Variants in HCN4 observed in about 807,000 individuals in gnomAD.
HCN4 encodes hyperpolarization activated cyclic nucleotide gated potassium channel 4.
Under a neutral mutation model 76.9 loss-of-function variants are expected in HCN4, and 29 were observed. The ratio of observed to expected loss-of-function variants is 0.38; its 90% confidence interval spans 0.28 to 0.51. The LOEUF (loss-of-function observed/expected upper bound fraction) is 0.51, where lower values mean the gene tolerates loss of function less well. Among genes scored for constraint, HCN4 ranks in the 20% least tolerant of loss-of-function variants. The pLI, the probability that HCN4 is intolerant of heterozygous loss-of-function variation, is 0.90. For synonymous variants in HCN4, 772 were observed against 762.5 expected, an observed-to-expected ratio of 1.01 and a Z score of -0.21; for missense variants, 1,416 against 1,715.2, an observed-to-expected ratio of 0.83 and a Z score of 3.08.
intron 1 of HCN4, among the ~76,000 whole-genome samples, chr15:73,354,658 T>C (rs894208960): frequency 2.0e-5 from 3 of 152,164 alleles, no homozygotes; most frequent in African/African-American, 7.2e-5. Flanking sequence ...ATGTGCAGGA[T>C]GAGAACATTA....
At position 73,343,936 on chromosome 15, in the gene HCN4, GCA is replaced by G; in HGVS notation, c.786-130_786-129del. ...GGGAGGTTCTGAGACAGGAAGACAG[GCA>G]CATGGGTACCAGGGCAAGATGTGGA... On this transcript the variant is annotated intron_variant, in intron 1 of 7. Coordinates refer to ENST00000261917, the MANE Select transcript of HCN4 (RefSeq NM_005477.3). This position sits in a 1 kb window ranked among gnomAD's most constrained non-coding sequence, Gnocchi z 5.7. The G allele has an allele frequency of 1.1e-6, 1 of 903,716 alleles. No individual in the cohort carries two copies. Among genetic ancestry groups the G allele is most frequent in the Non-Finnish European group, 1.8e-6 (1 of 559,924 alleles). 56.0% of individuals were successfully genotyped at this position (903,716 alleles called of 1,614,324 possible).
In HCN4 at chr15:73,322,017, G is replaced by A. The variant is rs1013426085; in HGVS notation, c.*464C>T. On this transcript the variant is annotated 3_prime_UTR_variant, in exon 8 of 8. Transcript: ENST00000261917. The stretch of plus-strand genomic sequence containing the variant: ...GCCCTGGCCCTTTTCTCCCAAGGTC[G>A]CAGGCTTCTGAGGCTCCCCAGGGCA... 11 of 189,696 alleles carry A rather than the reference G, an allele frequency of 5.8e-5. No homozygotes were observed. Among genetic ancestry groups the A allele is most frequent in the Admixed American group, 4.3e-4 (8 of 18,654 alleles). 11.8% of individuals were successfully genotyped at this position (189,696 alleles called of 1,614,324 possible). A position where few individuals can be genotyped will look rare whatever the true frequency, so the allele number is the denominator to read the frequency against.
chr15:73,333,457 A>C (rs986137292), intron 2 of HCN4, among the ~76,000 whole-genome samples: 1 of 152,208 alleles, frequency 6.6e-6, no homozygotes, highest in Admixed American at 6.5e-5. Flanking sequence ...AGGCCCAAAC[A>C]GACAGAGCCT....
chr15:73,355,488 C>T (rs537527953), intron 1 of HCN4, among the ~76,000 whole-genome samples: 1 of 152,236 alleles, frequency 6.6e-6, no homozygotes, highest in Admixed American at 6.5e-5. Context: ...ACCTCAGCTC[C>T]CAGCTCTGAA....
At position 73,368,363 on chromosome 15, in the gene HCN4, G is replaced by T; in HGVS notation, c.-93C>A. 1.1e-6 allele frequency: 1 copy of T among 913,532 alleles called. No homozygotes were observed. The highest frequency in any genetic ancestry group is 1.5e-6 in the Non-Finnish European group (1 of 681,792). The allele number at this position is 913,532 out of a possible 1,614,324, so 56.6% of individuals were successfully genotyped here. On this transcript the variant is annotated 5_prime_UTR_variant, in exon 1 of 8. Transcript: ENST00000261917. This position sits in a 1 kb window ranked among gnomAD's most constrained non-coding sequence, Gnocchi z 6.9. ...CGCCCGCCGGTCAGTCCGCCCGTGGGGACGCGTCCTTTGCCGCCGGCGTGG... is the reference window on the plus strand; with the variant it reads ...CGCCCGCCGGTCAGTCCGCCCGTGGTGACGCGTCCTTTGCCGCCGGCGTGG...
intron 1 of HCN4, among the ~76,000 whole-genome samples, chr15:73,363,417 G>C: frequency 6.6e-6 from 1 of 152,190 alleles, no homozygotes; most frequent in Non-Finnish European, 1.5e-5. Flanking sequence ...GCTGGCAATG[G>C]GAGGCCCAAG....
chr15:73,323,981 G>A lies in HCN4; in HGVS notation c.2144-32C>T, dbSNP rs765614147. ...CACAGAACAAGAACAGGCACTCAGG[G>A]CAGAGCGGGGAAGGAGATCAGGTGC... On this transcript the variant is annotated intron_variant, in intron 7 of 7. Transcript: ENST00000261917. The A allele has an allele frequency of 4.5e-5, 72 of 1,609,150 alleles. No homozygotes were observed. The Middle Eastern group carries it at 1.2e-3, about 26-fold the overall frequency.
intron 1 of HCN4, among the ~76,000 whole-genome samples, chr15:73,345,165 A>G (rs1258123830): frequency 1.3e-5 from 2 of 152,186 alleles, no homozygotes; most frequent in Admixed American, 6.5e-5. Flanking sequence ...CAGGTTGCAA[A>G]GAAATTACTT....
chr15:73,323,491 G>A lies in HCN4; in HGVS notation c.2602C>T (p.Pro868Ser), dbSNP rs1567768679. Reference protein sequence around the residue: ...HIQQLAGFSAPAGLSPLLPSS... With the variant: ...HIQQLAGFSASAGLSPLLPSS... ...GGCAGGAGTGGGCTCAGTCCAGCGG[G>A]GGCAGAGAATCCAGCCAGCTGTTGG... Residue 868 changes from proline to serine, a missense_variant, in exon 8 of 8, where the codon CCC becomes TCC. Coordinates refer to ENST00000261917, the MANE Select transcript of HCN4 (RefSeq NM_005477.3). 1 of 1,603,846 alleles carries A rather than the reference G, an allele frequency of 6.2e-7. No individual in the cohort carries two copies. Among genetic ancestry groups the A allele is most frequent in the Non-Finnish European group, 8.5e-7 (1 of 1,179,784 alleles).
chr15:73,332,471 G>C (rs892983088), intron 2 of HCN4, among the ~76,000 whole-genome samples, 179 bp from the exon 3 acceptor site: 1 of 152,220 alleles, frequency 6.6e-6, no homozygotes, highest in Non-Finnish European at 1.5e-5. Flanking sequence ...GGTCTTGGAA[G>C]AGGAAGACTG....
chr15:73,329,610 T>C lies in HCN4; in HGVS notation c.1553A>G (p.Gln518Arg). Residue 518 changes from glutamine to arginine, a missense_variant, in exon 4 of 8, where the codon CAG (glutamine) becomes CGG (arginine). This residue lies in a region of HCN4 where 112 missense variants were observed against 259.9 expected (regional missense o/e 0.43). Coordinates refer to ENST00000261917, the MANE Select transcript of HCN4 (RefSeq NM_005477.3). ...CTGGCGCCGGGAGGAGTCCAGGGAC[T>C]GGATGAGGGCAGTGGCGTGGCCAAT... ...MFIGHATALI[Q>R]SLDSSRRQYQ... The C allele has an allele frequency of 6.2e-7, 1 of 1,614,090 alleles. No homozygotes were observed. The highest frequency in any genetic ancestry group is 8.5e-7 in the Non-Finnish European group (1 of 1,179,990).
At chr15:73,358,483 G>A (rs3826046) in intron 1 of HCN4, among the ~76,000 whole-genome samples, 16,011 of 152,196 alleles carry the variant, frequency 0.11, 1,318 homozygotes, top group East Asian at 0.39. Context: ...CAGGCCACAC[G>A]CTCAGTGACA....
chr15:73,356,895 A>G (rs1279577589), intron 1 of HCN4, among the ~76,000 whole-genome samples: 1 of 152,166 alleles, frequency 6.6e-6, no homozygotes, highest in Non-Finnish European at 1.5e-5. Flanking sequence ...TTGTGCTAAG[A>G]AGGCAGGATT....
At chr15:73,339,633 G>A (rs1051072487) in intron 2 of HCN4, among the ~76,000 whole-genome samples, 1 of 152,222 alleles carries the variant, frequency 6.6e-6, no homozygotes, top group African/African-American at 2.4e-5. Context: ...CTCACAAGTG[G>A]GGAAACTGAG....
chr15:73,352,055 C>T (rs568760), intron 1 of HCN4, among the ~76,000 whole-genome samples: 10,646 of 152,316 alleles, frequency 0.07, 735 homozygotes, highest in African/African-American at 0.18. Flanking sequence ...CTGCCCCTCA[C>T]AGGCGCTGCC....
chr15:73,355,655 G>T (rs1264963951), intron 1 of HCN4, among the ~76,000 whole-genome samples: 2 of 152,180 alleles, frequency 1.3e-5, no homozygotes, highest in African/African-American at 4.8e-5. Context: ...CTGGGCAAAA[G>T]AAACACTTTG....
intron 1 of HCN4, among the ~76,000 whole-genome samples, chr15:73,355,401 T>TA (rs11390861): frequency 0.062 from 9,395 of 152,230 alleles, 430 homozygotes; most frequent in Admixed American, 0.099. Flanking sequence ...GTGCAGAGGC[T>TA]AAAGAGGTCA....
Position 73,328,676 on chromosome 15 carries a change from C to T in HCN4, c.1590+897G>A, listed in dbSNP as rs1005489773. 1.3e-5 allele frequency among the ~76,000 whole-genome samples: 2 copies of T among 151,996 alleles called. No individual in the cohort carries two copies. The highest frequency in any genetic ancestry group is 6.6e-5 in the Admixed American group (1 of 15,266). ...CACAGGCCCACGCTCAAACAGAGCT[C>T]GGCAGCAGAGAAGCTGGGGTAGGGC... is the stretch of plus-strand genomic sequence containing the variant. On this transcript the variant is annotated intron_variant, in intron 4 of 7. Transcript: ENST00000261917. The surrounding 1 kb of genome is among the most constrained non-coding windows in gnomAD (Gnocchi z 4.0).
At chr15:73,327,831 G>C (rs753493021) in intron 4 of HCN4, among the ~76,000 whole-genome samples, 8 of 151,986 alleles carry the variant, frequency 5.3e-5, no homozygotes, top group Non-Finnish European at 1.2e-4. Context: ...AGCTCTCCTT[G>C]CCTCCCAGCT....
Sources: allele counts gnomAD v4.1 joint callset (sites outside exome capture counted in the v4.1 genomes callset), GRCh38; gene constraint gnomAD v4.1.1; regional missense constraint gnomAD v4.1.1; non-coding constraint Gnocchi (gnomAD v3.1); transcripts MANE v1.5; gene names NCBI Gene and HGNC (gene_info 2026-07-23, HGNC 2026-07-21).